Variants in ROCK2 observed in about 807,000 individuals in gnomAD.
ROCK2 encodes the protein rho-associated protein kinase 2.
ROCK2 carries 61 observed loss-of-function variants against 195.1 expected under a neutral mutation model. That is an observed-to-expected ratio of 0.31 (90% CI 0.25 to 0.39). The LOEUF (loss-of-function observed/expected upper bound fraction) is 0.39, where lower values mean the gene tolerates loss of function less well. ROCK2 is among the 10% of genes least tolerant of loss of function. The probability of loss-of-function intolerance (pLI) is 1.00; values close to 1 mark genes in which losing one functional copy is unlikely to be tolerated. For missense variants in ROCK2, 1,109 were observed against 1,637.4 expected (o/e 0.68, Z 5.57); for synonymous variants, 504 against 545.5 (o/e 0.92, Z 1.06).
At chr2:11,309,200 G>C (rs923901152) in intron 1 of ROCK2, among the ~76,000 whole-genome samples, 11 of 151,068 alleles carry the variant, frequency 7.3e-5, no homozygotes, top group African/African-American at 2.7e-4. Flanking sequence ...AAAAACTACC[G>C]GCATAGTATT....
At chr2:11,311,992 C>T (rs1668050601) in intron 1 of ROCK2, among the ~76,000 whole-genome samples, 1 of 152,134 alleles carries the variant, frequency 6.6e-6, no homozygotes, top group Non-Finnish European at 1.5e-5. Context: ...TACAACATAT[C>T]ACAACTGATG....
intron 1 of ROCK2, among the ~76,000 whole-genome samples, chr2:11,343,183 C>A (rs1405361919): frequency 6.6e-6 from 1 of 152,214 alleles, no homozygotes; most frequent in East Asian, 1.9e-4. Flanking sequence ...ACACTGCACA[C>A]TACTCAAATT....
At position 11,307,864 on chromosome 2, in the gene ROCK2, T is replaced by C. The variant is rs117583048; in HGVS notation, c.142-20128A>G. On this transcript the variant is annotated intron_variant, in intron 1 of 32. Coordinates refer to ENST00000315872, the MANE Select transcript of ROCK2 (RefSeq NM_004850.5). ...CCTAAACAATACAATATAACAACTA[T>C]CGGCGAAAAATGGGCTTGGGCGGCT... Among the ~76,000 whole-genome samples the C allele has an allele frequency of 1.0e-3, 152 of 152,190 alleles. 4 individuals carry two copies. In the East Asian group the frequency reaches 0.023, roughly 23 times the overall value.
chr2:11,277,488 C>T (rs958267674), intron 3 of ROCK2, among the ~76,000 whole-genome samples: 1 of 152,182 alleles, frequency 6.6e-6, no homozygotes, highest in Non-Finnish European at 1.5e-5. Context: ...CCCCTCCAAT[C>T]ATTCCCCTCA....
chr2:11,189,687 A>T (rs906917846), intron 32 of ROCK2, among the ~76,000 whole-genome samples: 7 of 152,190 alleles, frequency 4.6e-5, no homozygotes, highest in African/African-American at 1.7e-4. Context: ...TGTGACATTC[A>T]AAATGGAATA....
intron 5 of ROCK2, among the ~76,000 whole-genome samples, chr2:11,231,906 A>G (rs944445910): frequency 8.5e-5 from 13 of 152,198 alleles, no homozygotes; most frequent in African/African-American, 2.9e-4. Flanking sequence ...TAATTTGAGC[A>G]TATATGTCTA....
chr2:11,214,799 A>G (rs767728284), intron 16 of ROCK2, 41 bp downstream of exon 16: 1 of 1,543,610 alleles, frequency 6.5e-7, no homozygotes, highest in South Asian at 1.2e-5. Flanking sequence ...TTAAAATAAG[A>G]ATCATCAAAA....
chr2:11,287,716 G>A lies in ROCK2; in HGVS notation c.162C>T (p.Val54=). ...ESLLDGLNSL[V]LDLDFPALRK... ...TCAAAGCAGGAAAATCTAAATCAAG[G>A]ACCAAGGAATTTAAGCCATCCTGTT... The change falls in exon 2 of 33, where the codon GTC becomes GTT. Residue 54 remains valine (V), a synonymous_variant. Coordinates refer to ENST00000315872, the MANE Select transcript of ROCK2 (RefSeq NM_004850.5). 1.5e-6 allele frequency: 2 copies of A among 1,324,972 alleles called. No homozygotes were observed. The highest frequency in any genetic ancestry group is 2.0e-5 in the South Asian group (1 of 50,362). The allele number at this position is 1,324,972 out of a possible 1,614,324, so 82.1% of individuals were successfully genotyped here.
intron 5 of ROCK2, among the ~76,000 whole-genome samples, chr2:11,229,622 C>CAA (rs577055622): frequency 1.1e-5 from 1 of 88,174 alleles, no homozygotes; most frequent in Non-Finnish European, 2.5e-5. Flanking sequence ...AAATGCAACA[C>CAA]AAAAAAAAAA....
intron 1 of ROCK2, among the ~76,000 whole-genome samples, chr2:11,335,831 A>G (rs905940911): frequency 6.6e-6 from 1 of 152,214 alleles, no homozygotes; most frequent in African/African-American, 2.4e-5. Flanking sequence ...GTGAGAACAA[A>G]AAGTCAGGTA....
chr2:11,317,627 T>TTTTTTTTTTTTTTA lies in ROCK2; in HGVS notation c.141+26368_141+26369insTAAAAAAAAAAAAA, dbSNP rs1192587957. The stretch of plus-strand genomic sequence containing the variant: ...ATATATATATATTTTTTTTTTTTTT[T>TTTTTTTTTTTTTTA]AATTATACTTTAAGTTCTAGGGTAC... On this transcript the variant is annotated intron_variant, in intron 1 of 32. Transcript: ENST00000315872. 1.7e-3 allele frequency among the ~76,000 whole-genome samples: 53 copies of TTTTTTTTTTTTTTA among 31,434 alleles called. 6 individuals are homozygous for TTTTTTTTTTTTTTA. Among genetic ancestry groups the TTTTTTTTTTTTTTA allele is most frequent in the South Asian group, 3.7e-3 (2 of 540 alleles). 20.6% of individuals were successfully genotyped at this position (31,434 alleles called of 152,430 possible). A position where few individuals can be genotyped will look rare whatever the true frequency, so the allele number is the denominator to read the frequency against.
chr2:11,315,934 C>T lies in ROCK2; in HGVS notation c.141+28062G>A, dbSNP rs150494651. On this transcript the variant is annotated intron_variant, in intron 1 of 32. Transcript: ENST00000315872. The stretch of plus-strand genomic sequence containing the variant: ...GCTGTCCGAGATGGTAGCCACTAGC[C>T]ACATGTAGCTACTAAGCACTTGAAA... Among the ~76,000 whole-genome samples, 1,322 of 152,188 alleles carry T rather than the reference C, an allele frequency of 8.7e-3. 20 individuals are homozygous for T. Among genetic ancestry groups the T allele is most frequent in the African/African-American group, 0.03 (1,260 of 41,530 alleles).
At chr2:11,307,527 T>C (rs1006599993) in intron 1 of ROCK2, among the ~76,000 whole-genome samples, 1 of 152,092 alleles carries the variant, frequency 6.6e-6, no homozygotes, top group Non-Finnish European at 1.5e-5. Flanking sequence ...ATGTCCAGGA[T>C]GGTCTCGATC....
At chr2:11,225,480 A>T (rs1348826677) in intron 6 of ROCK2, among the ~76,000 whole-genome samples, 1 of 151,766 alleles carries the variant, frequency 6.6e-6, no homozygotes, top group South Asian at 2.1e-4. Flanking sequence ...TATGTTAAAA[A>T]TTTTTTATTT....
Position 11,201,910 on chromosome 2 carries a change from T to C in ROCK2, c.2619+142A>G. 2 of 617,266 alleles carry C rather than the reference T, an allele frequency of 3.2e-6. No individual in the cohort carries two copies. The highest frequency in any genetic ancestry group is 5.8e-6 in the Non-Finnish European group (2 of 347,318). The allele number at this position is 617,266 out of a possible 1,614,324, so 38.2% of individuals were successfully genotyped here. Reference sequence around the variant, plus strand: ...TATGTTTTGTGCTTAGAATTATTTTTCTAGCAATGATAATAAATTTCTCTT... The same window carrying C: ...TATGTTTTGTGCTTAGAATTATTTTCCTAGCAATGATAATAAATTTCTCTT... On this transcript the variant is annotated intron_variant, in intron 21 of 32. Coordinates refer to ENST00000315872, the MANE Select transcript of ROCK2 (RefSeq NM_004850.5). The surrounding 1 kb of genome is among the most constrained non-coding windows in gnomAD (Gnocchi z 4.6).
intron 18 of ROCK2, 136 bp downstream of exon 18, chr2:11,211,545 C>A: frequency 1.4e-6 from 1 of 730,548 alleles, no homozygotes; most frequent in Non-Finnish European, 2.1e-6. Context: ...GTAAAGCTTC[C>A]CTAATAGTTT....
intron 1 of ROCK2, among the ~76,000 whole-genome samples, chr2:11,327,681 G>A (rs1420411840): frequency 6.6e-6 from 1 of 152,156 alleles, no homozygotes; most frequent in East Asian, 1.9e-4. Context: ...TTCCACCTCA[G>A]ACTCTCAAGA....
At chr2:11,263,670 C>A (rs1260984327) in intron 3 of ROCK2, among the ~76,000 whole-genome samples, 9 of 135,248 alleles carry the variant, frequency 6.7e-5, no homozygotes, top group East Asian at 5.9e-4. Flanking sequence ...CACACACACA[C>A]ACAAAAAAAA....
chr2:11,192,188 T>C lies in ROCK2; in HGVS notation c.4123A>G (p.Ile1375Val), dbSNP rs1663450720. The C allele has an allele frequency of 6.2e-7, 1 of 1,613,510 alleles. No individual in the cohort carries two copies. The highest frequency in any genetic ancestry group is 8.5e-7 in the Non-Finnish European group (1 of 1,179,666). ...GCAAGCTGTCGACTTGGCCGTCTAA[T>C]AGACTGGTTTTGCTGTATCTTCATT... ...TSMKIQQNQS[I>V]RRPSRQLAPN... Residue 1375 changes from isoleucine (I) to valine (V), a missense_variant, in exon 32 of 33, where the codon ATT (isoleucine) becomes GTT (valine). Ile to Val is a conservative substitution (Grantham distance 29, BLOSUM62 3). Transcript: ENST00000315872. The surrounding 1 kb of genome is among the most constrained non-coding windows in gnomAD (Gnocchi z 5.0).
Sources: allele counts gnomAD v4.1 joint callset (sites outside exome capture counted in the v4.1 genomes callset), GRCh38; gene constraint gnomAD v4.1.1; non-coding constraint Gnocchi (gnomAD v3.1); transcripts MANE v1.5; gene names NCBI Gene and HGNC (gene_info 2026-07-23, HGNC 2026-07-21).